The following PDE1C variants were observed in gnomAD, a reference collection of about 807,000 sequenced individuals.
The protein encoded by PDE1C is dual specificity calcium/calmodulin-dependent 3',5'-cyclic nucleotide phosphodiesterase 1C.
Under a neutral mutation model 93.1 loss-of-function variants are expected in PDE1C, and 62 were observed. That is an observed-to-expected ratio of 0.67 (90% confidence interval 0.54 to 0.82). The LOEUF is 0.82. Among genes scored for constraint, PDE1C ranks in the 40% least tolerant of loss-of-function variants. The pLI, the probability that PDE1C is intolerant of heterozygous loss-of-function variation, is 0.00. For missense variants in PDE1C, 742 were observed against 884.6 expected (o/e 0.84, Z 2.04); for synonymous variants, 325 against 310.1 (o/e 1.05, Z -0.50).
chr7:32,178,538 CA>C (rs1176624927), intron 2 of PDE1C, among the ~76,000 whole-genome samples: 1 of 152,180 alleles, frequency 6.6e-6, no homozygotes. Context: ...TCAATAATAT[CA>C]AAAACCCCAT....
intron 3 of PDE1C, among the ~76,000 whole-genome samples, chr7:32,133,514 G>C (rs867457903): frequency 6.6e-6 from 1 of 152,166 alleles, no homozygotes; most frequent in African/African-American, 2.4e-5. Flanking sequence ...ACTGCTGCCA[G>C]GGAGTGAGGA....
chr7:32,223,414 G>T (rs181680145), intron 1 of PDE1C, among the ~76,000 whole-genome samples: 5 of 152,282 alleles, frequency 3.3e-5, no homozygotes, highest in African/African-American at 1.2e-4. Flanking sequence ...GCACAGGGAA[G>T]TTAGGTGACC....
chr7:32,397,322 ATATAT>A (rs1585141856), intron 1 of PDE1C, among the ~76,000 whole-genome samples: 1 of 152,158 alleles, frequency 6.6e-6, no homozygotes, highest in African/African-American at 2.4e-5. Flanking sequence ...TTAAACAAAA[ATATAT>A]TAAACTTCAT....
intron 3 of PDE1C, among the ~76,000 whole-genome samples, chr7:32,162,657 C>G (rs1422677455): frequency 6.6e-6 from 1 of 152,080 alleles, no homozygotes; most frequent in Non-Finnish European, 1.5e-5. Flanking sequence ...GAACAGCTGA[C>G]CTTAGGGTCC....
the PDE1C span, among the ~76,000 whole-genome samples, chr7:31,666,931 G>A: frequency 6.6e-6 from 1 of 152,166 alleles, no homozygotes; most frequent in Admixed American, 6.6e-5. Flanking sequence ...AAGTCCAGCA[G>A]TGGGTTGTAA....
chr7:31,857,989 CG>C (rs1393969068), intron 7 of PDE1C, among the ~76,000 whole-genome samples: 20 of 151,974 alleles, frequency 1.3e-4, no homozygotes, highest in African/African-American at 4.4e-4. Context: ...AAGGACATAT[CG>C]GAAGGCCAAA....
At chr7:31,873,906 T>C (rs931667084) in intron 5 of PDE1C, among the ~76,000 whole-genome samples, 1 of 152,220 alleles carries the variant, frequency 6.6e-6, no homozygotes, top group Non-Finnish European at 1.5e-5. Flanking sequence ...TTCTCTTCTC[T>C]GAACTTCTCT....
intron 2 of PDE1C, among the ~76,000 whole-genome samples, chr7:31,891,256 T>C (rs35269630): frequency 0.014 from 2,141 of 152,284 alleles, 21 homozygotes; most frequent in Non-Finnish European, 0.02. Flanking sequence ...GTCACCTAAC[T>C]ACGTCTTTCC....
chr7:31,831,476 G>GCACGCACACACACA (rs1790379858), intron 11 of PDE1C, among the ~76,000 whole-genome samples: 1 of 141,050 alleles, frequency 7.1e-6, no homozygotes, highest in African/African-American at 2.7e-5. Context: ...GGAAGTAAAG[G>GCACGCACACACACA]CACACACACA....
intron 2 of PDE1C, among the ~76,000 whole-genome samples, chr7:31,888,198 C>T (rs531548451): frequency 7.7e-5 from 10 of 130,156 alleles, no homozygotes; most frequent in African/African-American, 1.5e-4. Flanking sequence ...TGCAGTGAGC[C>T]GAGATTGTGC....
At chr7:32,315,601 T>G (rs1323897621) in intron 1 of PDE1C, among the ~76,000 whole-genome samples, 1 of 152,212 alleles carries the variant, frequency 6.6e-6, no homozygotes, top group Non-Finnish European at 1.5e-5. Flanking sequence ...CCTCCAAATT[T>G]TCTAGCATGC....
intron 6 of PDE1C, among the ~76,000 whole-genome samples, chr7:31,867,827 T>G (rs1204420255): frequency 6.6e-6 from 1 of 152,102 alleles, no homozygotes; most frequent in Non-Finnish European, 1.5e-5. Flanking sequence ...CTGCCACTAC[T>G]GGGGCCCAAG....
upstream of PDE1C, chr7:32,070,727 T>C (rs1443217627): frequency 8.9e-7 from 1 of 1,128,728 alleles, no homozygotes; most frequent in Non-Finnish European, 1.1e-6. Flanking sequence ...ATTCGTATTC[T>C]CCCCCTACCC....
At chr7:32,112,800 ATATATGTGTGTGTGTG>A in intron 3 of PDE1C, among the ~76,000 whole-genome samples, 1 of 74,782 alleles carries the variant, frequency 1.3e-5, no homozygotes, top group East Asian at 2.4e-4. Context: ...ATATATATAC[ATATATGTGTGTGTGTG>A]TGTGTGTGTG....
intron 2 of PDE1C, among the ~76,000 whole-genome samples, chr7:32,174,708 GA>G (rs1322966703): frequency 6.6e-6 from 1 of 150,436 alleles, no homozygotes; most frequent in African/African-American, 2.4e-5. Context: ...GCAATAAAAA[GA>G]AAAAAAAAGA....
chr7:32,309,540 C>T (rs1044280005), intron 1 of PDE1C, among the ~76,000 whole-genome samples: 2 of 152,246 alleles, frequency 1.3e-5, no homozygotes, highest in Admixed American at 6.5e-5. Context: ...ATCAGACTAA[C>T]AGTGGATCTC....
intron 2 of PDE1C, among the ~76,000 whole-genome samples, chr7:32,174,651 A>C (rs1802869065): frequency 1.3e-5 from 2 of 152,186 alleles, no homozygotes; most frequent in Non-Finnish European, 2.9e-5. Context: ...GGCCATTTGC[A>C]AAGTGCCTTG....
intron 1 of PDE1C, among the ~76,000 whole-genome samples, chr7:32,425,102 C>T (rs1357961395): frequency 6.6e-6 from 1 of 151,642 alleles, no homozygotes; most frequent in Non-Finnish European, 1.5e-5. Context: ...CCTATACACA[C>T]AGACATTATA....
intron 2 of PDE1C, among the ~76,000 whole-genome samples, chr7:31,906,741 A>C (rs1244086616): frequency 1.3e-5 from 2 of 152,200 alleles, no homozygotes; most frequent in Non-Finnish European, 2.9e-5. Flanking sequence ...TCCATTCCAA[A>C]GCCTGGCTTT....
Sources: allele counts gnomAD v4.1 joint callset (sites outside exome capture counted in the v4.1 genomes callset), GRCh38; gene constraint gnomAD v4.1.1; transcripts MANE v1.5; gene names NCBI Gene and HGNC (gene_info 2026-07-23, HGNC 2026-07-21).